Variants in FGF12 observed in about 807,000 individuals in gnomAD.
The protein encoded by FGF12 is fibroblast growth factor 12, also known as fibroblast growth factor 12B.
In FGF12, 14 loss-of-function variants were observed where a neutral mutation model predicts 23.6. The observed-to-expected ratio is 0.59, with a 90% confidence interval of 0.39 to 0.93. The LOEUF (loss-of-function observed/expected upper bound fraction) is 0.93. FGF12 is among the 40% of genes least tolerant of loss of function. The pLI is 0.00. For missense variants in FGF12, 175 were observed against 217.8 expected, an observed-to-expected ratio of 0.80 and a Z score of 1.24; for synonymous variants, 62 against 77.3, an observed-to-expected ratio of 0.80 and a Z score of 1.04.
At position 192,601,219 on chromosome 3, in the gene FGF12, A is replaced by G. The variant is rs148722132; in HGVS notation, c.13+125962T>C. On this transcript the variant is annotated intron_variant, in intron 2 of 5. Coordinates refer to ENST00000445105, the MANE Select transcript of FGF12 (RefSeq NM_004113.6). Reference sequence around the variant, plus strand: ...GAATAGAAAGTTAAAGTTCTCAATCATATGTAGAAGCTGAAAAAGTTGATC... The same window carrying G: ...GAATAGAAAGTTAAAGTTCTCAATCGTATGTAGAAGCTGAAAAAGTTGATC... 5.4e-3 allele frequency among the ~76,000 whole-genome samples: 825 copies of G among 152,232 alleles called. 3 individuals carry two copies. The highest frequency in any genetic ancestry group is 0.017 in the African/African-American group (719 of 41,566).
chr3:192,439,712 C>T (rs529491212), intron 2 of FGF12, among the ~76,000 whole-genome samples: 4 of 152,270 alleles, frequency 2.6e-5, no homozygotes, highest in South Asian at 2.1e-4. Context: ...CGTGGTGGCT[C>T]ACGCCTGTAA....
chr3:192,468,671 T>C (rs1723076743), intron 2 of FGF12, among the ~76,000 whole-genome samples: 1 of 152,230 alleles, frequency 6.6e-6, no homozygotes, highest in African/African-American at 2.4e-5. Flanking sequence ...TAAGGTGACA[T>C]CTTCCAGGTT....
At position 192,587,193 on chromosome 3, in the gene FGF12, G is replaced by A. The variant is rs1422189246; in HGVS notation, c.13+139988C>T. On this transcript the variant is annotated intron_variant, in intron 2 of 5. Coordinates refer to ENST00000445105, the MANE Select transcript of FGF12 (RefSeq NM_004113.6). ...AATGAAAAGACATTACCTTCTGGTA[G>A]TAATGGAGCCACTTAATCCTCAATG... 2.0e-5 allele frequency among the ~76,000 whole-genome samples: 3 copies of A among 149,102 alleles called. 1 individual carries two copies. The highest frequency in any genetic ancestry group is 3.0e-5 in the Non-Finnish European group (2 of 66,064).
At chr3:192,590,618 A>G (rs1418132154) in intron 2 of FGF12, among the ~76,000 whole-genome samples, 1 of 151,942 alleles carries the variant, frequency 6.6e-6, no homozygotes, top group Non-Finnish European at 1.5e-5. Context: ...TTCTACATCC[A>G]TCTTTAAAAC....
chr3:192,633,878 T>C (rs900549738), intron 2 of FGF12, among the ~76,000 whole-genome samples: 6 of 152,186 alleles, frequency 3.9e-5, no homozygotes, highest in African/African-American at 1.2e-4. Flanking sequence ...GCCTTTATGT[T>C]AAACCAAGGT....
intron 2 of FGF12, among the ~76,000 whole-genome samples, chr3:192,567,749 C>CTT (rs1163289231): frequency 6.5e-5 from 8 of 122,232 alleles, no homozygotes; most frequent in African/African-American, 1.8e-4. Flanking sequence ...TTCTTTCTTT[C>CTT]TTTCTTTCTT....
intron 2 of FGF12, among the ~76,000 whole-genome samples, chr3:192,555,195 C>T (rs1711709028): frequency 6.6e-6 from 1 of 152,132 alleles, no homozygotes. Flanking sequence ...CAAAAGACTT[C>T]AACTCGTATA....
At chr3:192,155,270 T>C (rs973731280) in intron 5 of FGF12, among the ~76,000 whole-genome samples, 20 of 152,154 alleles carry the variant, frequency 1.3e-4, no homozygotes, top group East Asian at 3.9e-4. Context: ...AAATCACCGG[T>C]CTTCTGCATT....
chr3:192,504,028 G>A (rs181516224), intron 2 of FGF12, among the ~76,000 whole-genome samples: 3 of 151,990 alleles, frequency 2.0e-5, no homozygotes, highest in South Asian at 2.1e-4. Context: ...ATGAGATTAC[G>A]TTCTTTGCAG....
intron 5 of FGF12, among the ~76,000 whole-genome samples, chr3:192,154,214 T>G (rs1442274509): frequency 2.0e-5 from 2 of 98,706 alleles, no homozygotes; most frequent in Non-Finnish European, 4.3e-5. Flanking sequence ...TATACATTCT[T>G]CTAAATTTTT....
At chr3:192,297,732 T>C (rs1368384421) in intron 4 of FGF12, among the ~76,000 whole-genome samples, 4 of 152,158 alleles carry the variant, frequency 2.6e-5, no homozygotes, top group Non-Finnish European at 2.9e-5. Flanking sequence ...CAAAAAGGAA[T>C]CTCATTTTGA....
At chr3:192,398,801 C>T (rs1321229619) in intron 2 of FGF12, among the ~76,000 whole-genome samples, 1 of 152,158 alleles carries the variant, frequency 6.6e-6, no homozygotes, top group Non-Finnish European at 1.5e-5. Flanking sequence ...CAGAATCTAA[C>T]CAGTCCTGTG....
At chr3:192,241,375 A>G in intron 4 of FGF12, among the ~76,000 whole-genome samples, 1 of 152,190 alleles carries the variant, frequency 6.6e-6, no homozygotes, top group East Asian at 1.9e-4. Flanking sequence ...TCAATACTTC[A>G]AAATAAGTAA....
intron 2 of FGF12, among the ~76,000 whole-genome samples, chr3:192,625,427 G>T (rs1264875288): frequency 1.3e-5 from 2 of 152,024 alleles, no homozygotes; most frequent in Admixed American, 6.6e-5. Flanking sequence ...GACTGAGATT[G>T]AGCATATTTC....
intron 4 of FGF12, among the ~76,000 whole-genome samples, chr3:192,322,503 G>GACACACACACACACACACACACACAC (rs3071843): frequency 7.4e-5 from 11 of 149,196 alleles, no homozygotes; most frequent in African/African-American, 2.7e-4. Context: ...ACCACACGCA[G>GACACACACACACACACACACACACAC]ACACACACAC....
At chr3:192,368,109 CA>C (rs11303637) in intron 2 of FGF12, among the ~76,000 whole-genome samples, 4 of 150,006 alleles carry the variant, frequency 2.7e-5, no homozygotes, top group South Asian at 2.1e-4. Context: ...CCTCCCCTTC[CA>C]AAAAAAAACA....
intron 4 of FGF12, among the ~76,000 whole-genome samples, chr3:192,194,915 A>G (rs1716984128): frequency 6.6e-6 from 1 of 152,236 alleles, no homozygotes; most frequent in Non-Finnish European, 1.5e-5. Context: ...AGGATTTACA[A>G]GATACCTGCT....
At chr3:192,577,664 T>C (rs574978187) in intron 2 of FGF12, among the ~76,000 whole-genome samples, 4 of 152,346 alleles carry the variant, frequency 2.6e-5, no homozygotes, top group African/African-American at 4.8e-5. Context: ...AGTGATATGA[T>C]TGAGGTTCAT....
intron 2 of FGF12, among the ~76,000 whole-genome samples, chr3:192,546,433 C>T (rs561567356): frequency 1.3e-4 from 20 of 149,342 alleles, no homozygotes; most frequent in African/African-American, 2.2e-4. Context: ...ATTTAAAATG[C>T]GCAGCAAATT....
Sources: gnomAD v4.1 joint callset for allele counts (sites outside exome capture counted in the v4.1 genomes callset) on GRCh38, gnomAD v4.1.1 for gene constraint, MANE v1.5 for transcripts, NCBI Gene and HGNC (gene_info 2026-07-23, HGNC 2026-07-21) for gene names.